The following GRIK2 variants were observed in gnomAD, a reference collection of about 807,000 sequenced individuals.
The protein encoded by GRIK2 is glutamate ionotropic receptor kainate type subunit 2, also known as glutamate receptor ionotropic, kainate 2.
A neutral mutation model predicts 100.3 loss-of-function variants in GRIK2; 32 were observed. That is an observed-to-expected ratio of 0.32 (90% CI 0.24 to 0.43). The LOEUF (loss-of-function observed/expected upper bound fraction) is 0.43. Among genes scored for constraint, GRIK2 ranks in the 20% least tolerant of loss-of-function variants. GRIK2 has a pLI of 1.00. For synonymous variants in GRIK2, 417 were observed against 389.4 expected (o/e 1.07, Z -0.83); for missense variants, 843 against 1,114.9 (o/e 0.76, Z 3.47).
At chr6:101,532,546 T>TC (rs1360724063) in intron 2 of GRIK2, among the ~76,000 whole-genome samples, 1 of 151,094 alleles carries the variant, frequency 6.6e-6, no homozygotes, top group Admixed American at 6.6e-5. Flanking sequence ...ACCTTTTTTT[T>TC]TTTTAAAGTT....
chr6:101,823,359 T>A (rs1038948825), intron 10 of GRIK2, among the ~76,000 whole-genome samples: 1 of 100,630 alleles, frequency 9.9e-6, no homozygotes, highest in Non-Finnish European at 1.7e-5. Context: ...TTTTATATAT[T>A]TTTTTATTTT....
At chr6:101,852,443 A>AT (rs1784189346) in intron 10 of GRIK2, among the ~76,000 whole-genome samples, 2 of 151,934 alleles carry the variant, frequency 1.3e-5, no homozygotes, top group South Asian at 4.2e-4. Context: ...ACCTGTCTCA[A>AT]TTTTTTTCCT....
intron 10 of GRIK2, among the ~76,000 whole-genome samples, chr6:101,857,634 G>T (rs184998687): frequency 2.6e-5 from 4 of 152,170 alleles, no homozygotes; most frequent in Non-Finnish European, 4.4e-5. Flanking sequence ...CTCTGTAATA[G>T]CTTCCTCTAA....
rs9498649 is a variant in GRIK2, at chr6:101,613,894, A to G, written c.116-8055A>G. ...GAAATGTTTTCAAATTCTGGAAGAT[A>G]ATCATGTTTAAGTTGGGATTAAATG... On this transcript the variant is annotated intron_variant, in intron 2 of 16. Coordinates refer to ENST00000369134, the MANE Select transcript of GRIK2 (RefSeq NM_021956.5). Among the ~76,000 whole-genome samples the G allele has an allele frequency of 1.3e-3, 197 of 151,910 alleles. 1 individual carries two copies. The highest frequency in any genetic ancestry group is 4.7e-3 in the African/African-American group (195 of 41,526).
intron 7 of GRIK2, among the ~76,000 whole-genome samples, chr6:101,770,988 T>A (rs1778364189): frequency 6.6e-6 from 1 of 152,210 alleles, no homozygotes; most frequent in African/African-American, 2.4e-5. Context: ...AAATTTATTT[T>A]ATGTACCTAT....
chr6:101,771,931 CATT>C lies in GRIK2; in HGVS notation c.952-27716_952-27714del, dbSNP rs1778435170. On this transcript the variant is annotated intron_variant, in intron 7 of 16. Transcript: ENST00000369134. ...GCCACATTTTCTTAATCCCGTCTATCATTGTTGGACATTTGGGTTGGTTCCAAG... is the reference window on the plus strand; with the variant it reads ...GCCACATTTTCTTAATCCCGTCTATCGTTGGACATTTGGGTTGGTTCCAAG... 4.6e-5 allele frequency among the ~76,000 whole-genome samples: 7 copies of C among 152,132 alleles called. No homozygotes were observed. In the South Asian group the frequency reaches 1.2e-3, roughly 27 times the overall value.
At chr6:101,658,034 A>T (rs1355835556) in intron 4 of GRIK2, among the ~76,000 whole-genome samples, 2 of 151,928 alleles carry the variant, frequency 1.3e-5, no homozygotes, top group East Asian at 3.9e-4. Context: ...AACCAAAGTG[A>T]TCTCTTTTTT....
At chr6:101,405,499 A>AT (rs1455060328) in intron 2 of GRIK2, among the ~76,000 whole-genome samples, 1 of 152,112 alleles carries the variant, frequency 6.6e-6, no homozygotes, top group Non-Finnish European at 1.5e-5. Flanking sequence ...GATTGTTGGT[A>AT]TTTTTTCATA....
intron 4 of GRIK2, among the ~76,000 whole-genome samples, chr6:101,642,690 A>G (rs1781334630): frequency 6.6e-6 from 1 of 151,676 alleles, no homozygotes; most frequent in African/African-American, 2.4e-5. Context: ...TAATGCTGCT[A>G]TGGACATGGG....
At chr6:101,840,275 G>A (rs1160212564) in intron 10 of GRIK2, among the ~76,000 whole-genome samples, 1 of 152,180 alleles carries the variant, frequency 6.6e-6, no homozygotes, top group East Asian at 1.9e-4. Context: ...TAAGATGACA[G>A]CCATGAGACA....
At chr6:101,712,480 T>A (rs1030666651) in intron 7 of GRIK2, among the ~76,000 whole-genome samples, 5 of 151,864 alleles carry the variant, frequency 3.3e-5, no homozygotes, top group Admixed American at 6.6e-5. Context: ...ATTAACTTTG[T>A]CATAAAATGT....
At chr6:101,432,574 T>C (rs1313665451) in intron 2 of GRIK2, among the ~76,000 whole-genome samples, 1 of 152,204 alleles carries the variant, frequency 6.6e-6, no homozygotes, top group Non-Finnish European at 1.5e-5. Flanking sequence ...AGGAGGAGAT[T>C]GATACCTACA....
intron 14 of GRIK2, among the ~76,000 whole-genome samples, chr6:102,016,256 T>C (rs1795826428): frequency 6.6e-6 from 1 of 152,060 alleles, no homozygotes; most frequent in Non-Finnish European, 1.5e-5. Flanking sequence ...AAGTCAACAT[T>C]ATAGATGCGG....
intron 14 of GRIK2, among the ~76,000 whole-genome samples, chr6:102,011,337 G>T (rs1035123517): frequency 1.2e-4 from 19 of 152,136 alleles, no homozygotes; most frequent in Admixed American, 1.2e-3. Flanking sequence ...TCTATCCATA[G>T]CTCTTCCTTG....
intron 2 of GRIK2, among the ~76,000 whole-genome samples, chr6:101,589,170 TGG>T (rs1778526751): frequency 6.6e-6 from 1 of 152,120 alleles, no homozygotes. Context: ...TTGTTTGTTG[TGG>T]TTTTTATTTT....
chr6:101,777,727 G>A (rs966837149), intron 7 of GRIK2, among the ~76,000 whole-genome samples: 1 of 152,136 alleles, frequency 6.6e-6, no homozygotes, highest in Non-Finnish European at 1.5e-5. Context: ...ATTCAGAAAT[G>A]AGCAAAATCT....
intron 2 of GRIK2, among the ~76,000 whole-genome samples, chr6:101,434,326 C>T (rs1018635534): frequency 1.3e-5 from 2 of 152,164 alleles, no homozygotes; most frequent in South Asian, 4.1e-4. Flanking sequence ...GATGAGTTCT[C>T]ATACAAGTCT....
rs192037243 is a variant in GRIK2, at chr6:102,067,855, T to A, written c.2563-492T>A. Among the ~76,000 whole-genome samples, 461 of 152,006 alleles carry A rather than the reference T, an allele frequency of 3.0e-3. 3 individuals are homozygous for A. Among genetic ancestry groups the A allele is most frequent in the African/African-American group, 9.8e-3 (406 of 41,538 alleles). On this transcript the variant is annotated intron_variant, in intron 16 of 16. Transcript: ENST00000369134. Reference sequence around the variant, plus strand: ...CAGAAATTGTTTTCCATATTTTATGTCTGTGTGAGTGCTATCTTTGTTTTG... The same window carrying A: ...CAGAAATTGTTTTCCATATTTTATGACTGTGTGAGTGCTATCTTTGTTTTG...
intron 2 of GRIK2, among the ~76,000 whole-genome samples, chr6:101,501,598 G>A (rs537296287): frequency 4.6e-5 from 7 of 152,198 alleles, no homozygotes; most frequent in South Asian, 4.2e-4. Flanking sequence ...CAGTCAACAT[G>A]TCCTACAGGT....
Sources: allele counts gnomAD v4.1 joint callset (sites outside exome capture counted in the v4.1 genomes callset), GRCh38; gene constraint gnomAD v4.1.1; transcripts MANE v1.5; gene names NCBI Gene and HGNC (gene_info 2026-07-23, HGNC 2026-07-21).